The following OPHN1 variants were observed in gnomAD, a reference collection of about 807,000 sequenced individuals.
The protein encoded by OPHN1 is oligophrenin-1.
Under a neutral mutation model 60.7 loss-of-function variants are expected in OPHN1, and 11 were observed. The ratio of observed to expected loss-of-function variants is 0.18; its 90% CI spans 0.11 to 0.30. The LOEUF is 0.30. Among genes scored for constraint, OPHN1 ranks in the 10% least tolerant of loss-of-function variants. The pLI is 1.00. For missense variants in OPHN1, 449 were observed against 611.0 expected, an observed-to-expected ratio of 0.73 and a Z score of 2.80; for synonymous variants, 226 against 222.6, an observed-to-expected ratio of 1.02 and a Z score of -0.14.
intron 2 of OPHN1, among the ~76,000 whole-genome samples, chrX:68,377,694 T>C (rs1354556799): frequency 1.8e-5 from 2 of 109,553 alleles, no homozygotes; most frequent in Non-Finnish European, 3.8e-5. Flanking sequence ...GGTTTTCTGT[T>C]CTTGCGATAG....
At chrX:68,270,988 A>C (rs2077965619) in intron 5 of OPHN1, among the ~76,000 whole-genome samples, 1 of 111,139 alleles carries the variant, frequency 9.0e-6, no homozygotes, top group South Asian at 3.9e-4. Flanking sequence ...CTTTTGCAAG[A>C]TTGTTCTGAG....
intron 15 of OPHN1, among the ~76,000 whole-genome samples, chrX:68,127,027 A>G (rs1018507861): frequency 5.3e-5 from 6 of 112,431 alleles, no homozygotes; most frequent in Non-Finnish European, 1.1e-4. Flanking sequence ...AACCAAAAGA[A>G]CAAACTAAAA....
chrX:68,110,987 C>G (rs1602163156), intron 18 of OPHN1, among the ~76,000 whole-genome samples: 1 of 112,003 alleles, frequency 8.9e-6, no homozygotes, highest in African/African-American at 3.2e-5. Flanking sequence ...TCATTAAAGG[C>G]CTCAATTTTA....
rs1460646483 is a variant in OPHN1 at position 68,045,361 on chromosome X, T to C, written c.*1811A>G. 2.7e-5 allele frequency: 3 copies of C among 112,476 alleles called. No homozygotes were observed. Among genetic ancestry groups the C allele is most frequent in the African/African-American group, 9.7e-5 (3 of 30,949 alleles). The allele number at this position is 112,476 out of a possible 1,213,427, so 9.3% of individuals were successfully genotyped here. On this transcript the variant is annotated 3_prime_UTR_variant, in exon 25 of 25. Transcript: ENST00000355520. ...ACTCACCAATAAACCATGTTTGGAA[T>C]TCAGTCTTGAAAATGACTACTGCCT...
intron 2 of OPHN1, among the ~76,000 whole-genome samples, chrX:68,405,625 C>T (rs1450001803): frequency 9.0e-6 from 1 of 111,406 alleles, no homozygotes; most frequent in African/African-American, 3.3e-5. Context: ...GGGCCCAAAT[C>T]CCCACTCTGT....
At chrX:68,116,768 C>G (rs183997904) in intron 16 of OPHN1, among the ~76,000 whole-genome samples, 69 of 111,631 alleles carry the variant, frequency 6.2e-4, no homozygotes, top group African/African-American at 2.1e-3. Context: ...AATGCATGAC[C>G]ATCATTTGGT....
At chrX:68,336,779 C>T (rs973709296) in intron 2 of OPHN1, among the ~76,000 whole-genome samples, 19 of 109,208 alleles carry the variant, frequency 1.7e-4, no homozygotes, top group African/African-American at 5.7e-4. Context: ...ATGGGCCAGG[C>T]GTGGTGGCTC....
intron 5 of OPHN1, among the ~76,000 whole-genome samples, chrX:68,241,871 A>T (rs963791940): frequency 9.0e-6 from 1 of 111,529 alleles, no homozygotes; most frequent in Admixed American, 9.6e-5. Context: ...CAGTGAGCCG[A>T]GATCGCGTCA....
chrX:68,170,169 A>C (rs1447551567), intron 15 of OPHN1, among the ~76,000 whole-genome samples: 7 of 109,415 alleles, frequency 6.4e-5, no homozygotes, highest in African/African-American at 2.3e-4. Context: ...CAGCCAAAAA[A>C]CACATGAAAA....
intron 2 of OPHN1, among the ~76,000 whole-genome samples, chrX:68,334,644 T>C (rs188952678): frequency 1.9e-3 from 211 of 111,877 alleles, no homozygotes; most frequent in African/African-American, 6.6e-3. Flanking sequence ...ATTATTTCAC[T>C]ACATGTAGAG....
intron 3 of OPHN1, among the ~76,000 whole-genome samples, chrX:68,285,163 CTG>C (rs1423899302): frequency 1.8e-5 from 2 of 111,912 alleles, no homozygotes; most frequent in African/African-American, 6.5e-5. Flanking sequence ...GTTTCAATGA[CTG>C]TCTTGTTATT....
chrX:68,324,113 G>A (rs1487510841), intron 2 of OPHN1, among the ~76,000 whole-genome samples: 1 of 111,570 alleles, frequency 9.0e-6, no homozygotes, highest in Non-Finnish European at 1.9e-5. Context: ...AATGCATTTG[G>A]ACATGGAAAA....
intron 4 of OPHN1, among the ~76,000 whole-genome samples, chrX:68,275,380 A>G (rs902405556): frequency 3.6e-5 from 4 of 112,025 alleles, no homozygotes; most frequent in Non-Finnish European, 7.5e-5. Context: ...GGGACTATTA[A>G]TATTGGCAAT....
At chrX:68,075,727 A>T (rs2076950919) in intron 19 of OPHN1, among the ~76,000 whole-genome samples, 1 of 105,652 alleles carries the variant, frequency 9.5e-6, no homozygotes, top group South Asian at 4.5e-4. Context: ...TACAAAGGCA[A>T]TTCAGTGGAG....
Position 68,426,569 on chromosome X carries a change from T to TATATATATATATATATATAA in OPHN1, c.154+6297_154+6298insTTATATATATATATATATAT, listed in dbSNP as rs1266981689. On this transcript the variant is annotated intron_variant, in intron 2 of 24. Transcript: ENST00000355520. ...CATCTGTTTTATATATATATATATA[T>TATATATATATATATATATAA]ACATACACAGAGGCTGGGCGTGATG... Among the ~76,000 whole-genome samples, 346 of 41,572 alleles carry TATATATATATATATATATAA rather than the reference T, an allele frequency of 8.3e-3. 32 individuals carry two copies. Among genetic ancestry groups the TATATATATATATATATATAA allele is most frequent in the African/African-American group, 9.6e-3 (196 of 20,519 alleles). The allele number at this position is 41,572 out of a possible 115,157, so 36.1% of individuals were successfully genotyped here. A position where few individuals can be genotyped will look rare whatever the true frequency, so the allele number is the denominator to read the frequency against.
At chrX:68,335,610 A>C (rs2078318421) in intron 2 of OPHN1, among the ~76,000 whole-genome samples, 1 of 111,517 alleles carries the variant, frequency 9.0e-6, no homozygotes, top group African/African-American at 3.3e-5. Flanking sequence ...AAATCATCTA[A>C]CCCTGTGGTT....
At chrX:68,153,674 G>A (rs757831385) in intron 15 of OPHN1, among the ~76,000 whole-genome samples, 6 of 111,389 alleles carry the variant, frequency 5.4e-5, no homozygotes, top group South Asian at 7.6e-4. Flanking sequence ...GGGAGAGAGC[G>A]TAAGGAAGCT....
At chrX:68,400,030 C>T (rs757921764) in intron 2 of OPHN1, among the ~76,000 whole-genome samples, 86 of 109,435 alleles carry the variant, frequency 7.9e-4, no homozygotes, top group African/African-American at 2.7e-3. Flanking sequence ...AGCTTTGTAA[C>T]TTCACTTCAG....
intron 15 of OPHN1, among the ~76,000 whole-genome samples, chrX:68,125,963 A>ATACC (rs2077169839): frequency 1.2e-5 from 1 of 85,352 alleles, no homozygotes. Context: ...ATATACATAC[A>ATACC]CACACACACA....
Sources: allele counts gnomAD v4.1 joint callset (sites outside exome capture counted in the v4.1 genomes callset), GRCh38; gene constraint gnomAD v4.1.1; transcripts MANE v1.5; gene names NCBI Gene and HGNC (gene_info 2026-07-23, HGNC 2026-07-21).